The following SMG6 variants were observed in gnomAD, a reference collection of about 807,000 sequenced individuals.
SMG6 encodes the protein telomerase-binding protein EST1A.
In SMG6, 66 loss-of-function variants were observed where a neutral mutation model predicts 142.2. That is an observed-to-expected ratio of 0.46 (90% CI 0.38 to 0.57). The LOEUF (loss-of-function observed/expected upper bound fraction) is 0.57, where lower values mean the gene tolerates loss of function less well. Among genes scored for constraint, SMG6 ranks in the 20% least tolerant of loss-of-function variants. The pLI, the probability that SMG6 is intolerant of heterozygous loss-of-function variation, is 0.00. For missense variants in SMG6, 1,793 were observed against 1,832.0 expected (o/e 0.98, Z 0.39); for synonymous variants, 779 against 702.4 (o/e 1.11, Z -1.72).
chr17:2,216,424 T>A (rs1012893268), intron 10 of SMG6, among the ~76,000 whole-genome samples: 1 of 152,194 alleles, frequency 6.6e-6, no homozygotes, highest in South Asian at 2.1e-4. Context: ...TACTGTAACA[T>A]TACCATCTCA....
chr17:2,065,221 G>GCCCC, intron 17 of SMG6, 67 bp from the exon 18 acceptor site: 4 of 1,196,582 alleles, frequency 3.3e-6, no homozygotes, highest in Non-Finnish European at 4.9e-6. Context: ...GAGGAGGAGG[G>GCCCC]ATCCTCTGCC....
intron 13 of SMG6, among the ~76,000 whole-genome samples, chr17:2,152,460 C>A (rs573537061): frequency 2.6e-5 from 4 of 152,226 alleles, no homozygotes; most frequent in African/African-American, 9.6e-5. Flanking sequence ...TTGTACCTGA[C>A]AAAGGATTTG....
intron 8 of SMG6, among the ~76,000 whole-genome samples, chr17:2,274,030 G>A (rs2074596768): frequency 6.6e-6 from 1 of 152,236 alleles, no homozygotes; most frequent in Non-Finnish European, 1.5e-5. Flanking sequence ...CACTGGAACA[G>A]AAGTTGGCAA....
At chr17:2,219,666 G>C (rs1277911607) in intron 10 of SMG6, among the ~76,000 whole-genome samples, 1 of 151,868 alleles carries the variant, frequency 6.6e-6, no homozygotes, top group African/African-American at 2.4e-5. Context: ...GCACGTGCCT[G>C]TAGTCCCATC....
At chr17:2,069,007 G>T in intron 15 of SMG6, 76 bp from the exon 16 acceptor site, 1 of 1,461,610 alleles carries the variant, frequency 6.8e-7, no homozygotes, top group Non-Finnish European at 9.5e-7. Flanking sequence ...CTGACACTAC[G>T]GTGTGTCAGC....
Position 2,299,090 on chromosome 17 carries a change from C to G in SMG6, c.1663G>C (p.Val555Leu). ...PGYPTPSGQY[V>L]CSPLPTSTMS... ...GTGCTGGTAGGTAGAGGGCTACACA[C>G]ATACTGTCCTGACGGAGTCGGGTAG... The change falls in exon 2 of 19, where the codon GTG becomes CTG. Residue 555 changes from valine (V) to leucine (L), a missense_variant. By Grantham distance (32) the Val-to-Leu change is conservative. This residue lies in a region of SMG6 where 1,597 missense variants were observed against 1,584.6 expected (regional missense o/e 1.01). Transcript: ENST00000263073. The surrounding 1 kb of genome is among the most constrained non-coding windows in gnomAD (Gnocchi z 4.3). The G allele has an allele frequency of 6.2e-7, 1 of 1,614,176 alleles. No individual in the cohort carries two copies. Among genetic ancestry groups the G allele is most frequent in the Non-Finnish European group, 8.5e-7 (1 of 1,180,020 alleles).
At chr17:2,147,931 G>A (rs1306889653) in intron 13 of SMG6, among the ~76,000 whole-genome samples, 3 of 151,984 alleles carry the variant, frequency 2.0e-5, no homozygotes, top group Non-Finnish European at 2.9e-5. Context: ...GGTGCCTCAC[G>A]CCTTAAATCC....
chr17:2,274,089 A>G (rs971790031), intron 8 of SMG6, among the ~76,000 whole-genome samples: 9 of 152,242 alleles, frequency 5.9e-5, no homozygotes, highest in Non-Finnish European at 2.9e-5. Flanking sequence ...TTGTAAATAA[A>G]GTTTTAATGG....
chr17:2,065,072 C>G lies in SMG6; in HGVS notation c.4129+1G>C. On this transcript the variant is annotated splice_donor_variant, in intron 18 of 18. Transcript: ENST00000263073. LOFTEE classifies it high-confidence loss of function. ...ATCCCAAGGCGGAGGCAAAGCTGTA[C>G]CTTTGCTGGCGGGCATGAAGTCCTT... 1 of 1,611,312 alleles carries G rather than the reference C, an allele frequency of 6.2e-7. No individual in the cohort carries two copies. The highest frequency in any genetic ancestry group is 8.5e-7 in the Non-Finnish European group (1 of 1,177,530).
intron 13 of SMG6, among the ~76,000 whole-genome samples, chr17:2,143,755 T>A (rs895555900): frequency 3.9e-5 from 6 of 152,224 alleles, no homozygotes; most frequent in African/African-American, 1.4e-4. Context: ...TGATTAAAAT[T>A]TAAAAAGGGT....
chr17:2,151,312 G>A (rs2070817884), intron 13 of SMG6, among the ~76,000 whole-genome samples: 1 of 152,170 alleles, frequency 6.6e-6, no homozygotes, highest in South Asian at 2.1e-4. Flanking sequence ...CCACATTACA[G>A]TTTTATATTC....
chr17:2,128,908 G>A (rs562918846), intron 13 of SMG6, among the ~76,000 whole-genome samples: 10 of 151,862 alleles, frequency 6.6e-5, no homozygotes. Context: ...AAAATGGCAT[G>A]CAAGCAGCAG....
chr17:2,145,159 C>T (rs1234321688), intron 13 of SMG6, among the ~76,000 whole-genome samples: 1 of 152,016 alleles, frequency 6.6e-6, no homozygotes, highest in Non-Finnish European at 1.5e-5. Context: ...CTCTGTTGCC[C>T]AGGCTGATCA....
At chr17:2,161,106 T>A (rs997201652) in intron 13 of SMG6, among the ~76,000 whole-genome samples, 11 of 54,234 alleles carry the variant, frequency 2.0e-4, no homozygotes, top group African/African-American at 1.5e-3. Context: ...TAACTGACCC[T>A]TTTTTTTTTT....
intron 12 of SMG6, among the ~76,000 whole-genome samples, chr17:2,178,730 CAT>C (rs2071720153): frequency 6.6e-6 from 1 of 152,216 alleles, no homozygotes; most frequent in Admixed American, 6.5e-5. Flanking sequence ...TAGCCTCTGT[CAT>C]ATCACTATGG....
At chr17:2,296,917 C>T (rs913035312) in intron 4 of SMG6, among the ~76,000 whole-genome samples, 2 of 151,462 alleles carry the variant, frequency 1.3e-5, no homozygotes, top group African/African-American at 4.9e-5. Flanking sequence ...ATCCCTTAAA[C>T]CTGGGAGGCA....
rs146329958 is a variant in SMG6 at position 2,201,015 on chromosome 17, C to T, written c.2870-12500G>A. ...AATGTATCTGTAATTACAAATCAAA[C>T]ATTTTCTAAAAAGTAGGTGATTTTA... On this transcript the variant is annotated intron_variant, in intron 10 of 18. Coordinates refer to ENST00000263073, the MANE Select transcript of SMG6 (RefSeq NM_017575.5). Among the ~76,000 whole-genome samples, 68 of 152,260 alleles carry T rather than the reference C, an allele frequency of 4.5e-4. 1 individual carries two copies. In the East Asian group the frequency reaches 0.012, roughly 27 times the overall value.
At chr17:2,280,726 G>T in intron 8 of SMG6, 1 of 293,964 alleles carries the variant, frequency 3.4e-6, no homozygotes, top group South Asian at 1.3e-4. Flanking sequence ...CCACGTTGTA[G>T]TCTACCTACA....
chr17:2,126,932 ACACATGCG>A (rs1415276825), intron 13 of SMG6, among the ~76,000 whole-genome samples: 10 of 151,876 alleles, frequency 6.6e-5, no homozygotes, highest in Admixed American at 2.0e-4. Context: ...ACATACATGC[ACACATGCG>A]CACACATGCA....
Sources: allele counts gnomAD v4.1 joint callset (sites outside exome capture counted in the v4.1 genomes callset), GRCh38; gene constraint gnomAD v4.1.1; regional missense constraint gnomAD v4.1.1; non-coding constraint Gnocchi (gnomAD v3.1); transcripts MANE v1.5; gene names NCBI Gene and HGNC (gene_info 2026-07-23, HGNC 2026-07-21).